SYTL3: variants seen among roughly 807,000 people sequenced by gnomAD.
SYTL3 encodes synaptotagmin-like protein 3.
A neutral mutation model predicts 82.1 loss-of-function variants in SYTL3; 88 were observed. The ratio of observed to expected loss-of-function variants is 1.07; its 90% CI spans 0.90 to 1.28. The LOEUF (loss-of-function observed/expected upper bound fraction) is 1.28. Ranked by LOEUF, SYTL3 falls within the 50% of genes most tolerant of loss-of-function variation. The pLI, the probability that SYTL3 is intolerant of heterozygous loss-of-function variation, is 0.00. For missense variants in SYTL3, 831 were observed against 757.6 expected, an observed-to-expected ratio of 1.10 and a Z score of -1.14; for synonymous variants, 311 against 289.4, an observed-to-expected ratio of 1.07 and a Z score of -0.76.
At chr6:158,693,581 C>T (rs1452975386) in intron 6 of SYTL3, among the ~76,000 whole-genome samples, 2 of 152,162 alleles carry the variant, frequency 1.3e-5, no homozygotes, top group Admixed American at 1.3e-4. Flanking sequence ...GATGGGGTTT[C>T]ACCATGTTGG....
intron 8 of SYTL3, among the ~76,000 whole-genome samples, chr6:158,711,924 A>T (rs1383345690): frequency 1.3e-5 from 2 of 152,160 alleles, no homozygotes; most frequent in Non-Finnish European, 2.9e-5. Context: ...TTTTATCAGC[A>T]AGGTCTTTAT....
intron 5 of SYTL3, among the ~76,000 whole-genome samples, chr6:158,668,568 A>G (rs1776993232): frequency 6.6e-6 from 1 of 152,206 alleles, no homozygotes; most frequent in Non-Finnish European, 1.5e-5. Context: ...CTTGCCTCCA[A>G]GACAGTAGGA....
At chr6:158,760,369 T>G (rs940390689) in intron 14 of SYTL3, among the ~76,000 whole-genome samples, 4 of 152,160 alleles carry the variant, frequency 2.6e-5, no homozygotes, top group African/African-American at 9.7e-5. Flanking sequence ...GAGTGTGCAG[T>G]GCCCTTGAGT....
At chr6:158,749,050 C>T (rs1255868633) in intron 12 of SYTL3, among the ~76,000 whole-genome samples, 1 of 151,404 alleles carries the variant, frequency 6.6e-6, no homozygotes. Context: ...GGTGAAACCC[C>T]GTCTCTACTA....
At chr6:158,760,610 C>T in intron 14 of SYTL3, 30 bp from the exon 15 acceptor site, 1 of 1,589,148 alleles carries the variant, frequency 6.3e-7, no homozygotes, top group East Asian at 2.2e-5. Flanking sequence ...TTGGGGAATC[C>T]TGTCCCTAAG....
At chr6:158,762,878 C>T (rs1048207769) in intron 16 of SYTL3, among the ~76,000 whole-genome samples, 92 of 152,244 alleles carry the variant, frequency 6.0e-4, no homozygotes, top group African/African-American at 2.2e-3. Context: ...GATGGTGCCA[C>T]TTCACTCCAG....
chr6:158,648,785 G>A (rs935193767), upstream of SYTL3, among the ~76,000 whole-genome samples: 9 of 152,094 alleles, frequency 5.9e-5, no homozygotes, highest in Admixed American at 2.0e-4. Flanking sequence ...CGATGAGGAC[G>A]AGGGTGCTGT....
chr6:158,685,122 C>T (rs1014305964), intron 6 of SYTL3, among the ~76,000 whole-genome samples: 3 of 152,092 alleles, frequency 2.0e-5, no homozygotes, highest in African/African-American at 4.8e-5. Context: ...CTTAGGGGTG[C>T]CGTCATCCCA....
chr6:158,698,075 A>C (rs1200366976), intron 6 of SYTL3, among the ~76,000 whole-genome samples: 1 of 152,172 alleles, frequency 6.6e-6, no homozygotes, highest in African/African-American at 2.4e-5. Context: ...ATCTTAGCTC[A>C]AATTTTCCTA....
At position 158,732,240 on chromosome 6, in the gene SYTL3, CCTT is replaced by C. The variant is rs1443859322; in HGVS notation, c.855+6606_855+6608del. 2.0e-5 allele frequency among the ~76,000 whole-genome samples: 3 copies of C among 152,142 alleles called. No homozygotes were observed. The East Asian group carries it at 5.8e-4, about 29-fold the overall frequency. ...TATCCATTTCACCAAAAGAATTACT[CCTT>C]CTAGTTGTCAATCTCCTTCAACCAC... On this transcript the variant is annotated intron_variant, in intron 11 of 17. Transcript: ENST00000611299.
intron 11 of SYTL3, among the ~76,000 whole-genome samples, chr6:158,744,098 G>T (rs1384715196): frequency 6.6e-6 from 1 of 150,676 alleles, no homozygotes. Context: ...TTGTATTTTA[G>T]TAGAGACGGG....
At chr6:158,759,014 G>T (rs1211246911) in intron 14 of SYTL3, among the ~76,000 whole-genome samples, 1 of 152,120 alleles carries the variant, frequency 6.6e-6, no homozygotes, top group Non-Finnish European at 1.5e-5. Context: ...GGCTCCTCCG[G>T]GACGCCCTGA....
rs1274090984 is a variant in SYTL3, at chr6:158,749,406, A to G, written c.1035-2522A>G. ...ACTCTGTCTGAAAAAAAAAAAAAAA[A>G]AAAAGAAAGAAAAAAATATATAATA... On this transcript the variant is annotated intron_variant, in intron 12 of 17. Transcript: ENST00000611299. Among the ~76,000 whole-genome samples, 9 of 148,244 alleles carry G rather than the reference A, an allele frequency of 6.1e-5. No homozygotes were observed. In the South Asian group the frequency reaches 8.4e-4, roughly 14 times the overall value.
intron 9 of SYTL3, among the ~76,000 whole-genome samples, chr6:158,715,615 A>ACACACACACACACACACACACG (rs1783292416): frequency 7.0e-6 from 1 of 142,164 alleles, no homozygotes; most frequent in Non-Finnish European, 1.5e-5. Context: ...ACACACACAC[A>ACACACACACACACACACACACG]CGCACGCACC....
At chr6:158,718,799 C>T (rs1032456393) in intron 10 of SYTL3, among the ~76,000 whole-genome samples, 1 of 152,186 alleles carries the variant, frequency 6.6e-6, no homozygotes, top group Admixed American at 6.5e-5. Context: ...ATGGGAAAGC[C>T]CGCATTCTAG....
At chr6:158,677,348 A>G (rs901697804) in intron 5 of SYTL3, among the ~76,000 whole-genome samples, 3 of 152,186 alleles carry the variant, frequency 2.0e-5, no homozygotes, top group Non-Finnish European at 4.4e-5. Flanking sequence ...ATAGGTGGGA[A>G]TTGAACAATG....
At chr6:158,714,021 C>CT in intron 9 of SYTL3, 143 bp downstream of exon 9, 1 of 659,080 alleles carries the variant, frequency 1.5e-6, no homozygotes. Context: ...AGCCACAGCA[C>CT]CTGGCCCTTC....
At chr6:158,746,422 G>A (rs1032704250) in intron 12 of SYTL3, among the ~76,000 whole-genome samples, 2 of 143,662 alleles carry the variant, frequency 1.4e-5, no homozygotes, top group Non-Finnish European at 3.1e-5. Flanking sequence ...TGACAGACAT[G>A]AAAAGGTGTA....
rs527386604 is a variant in SYTL3, at chr6:158,724,623, G to A, written c.721-880G>A. ...ATGGAGCATTTGAAATGGGTCTAGC[G>A]CAACTGAGAAGTTAAGTTTGTTTGA... On this transcript the variant is annotated intron_variant, in intron 10 of 17. Transcript: ENST00000611299. Among the ~76,000 whole-genome samples the A allele has an allele frequency of 7.4e-4, 112 of 152,324 alleles. 1 individual carries two copies. Among genetic ancestry groups the A allele is most frequent in the African/African-American group, 2.6e-3 (108 of 41,578 alleles).
Sources: allele counts gnomAD v4.1 joint callset (sites outside exome capture counted in the v4.1 genomes callset), GRCh38; gene constraint gnomAD v4.1.1; transcripts MANE v1.5; gene names NCBI Gene and HGNC (gene_info 2026-07-23, HGNC 2026-07-21).